Variants in TLN1 observed in about 807,000 individuals in gnomAD.
TLN1 encodes the protein talin-1.
In TLN1, 56 loss-of-function variants were observed where a neutral mutation model predicts 292.3. The observed-to-expected ratio is 0.19, with a 90% CI of 0.15 to 0.24. TLN1 has a LOEUF of 0.24. Ranked by LOEUF, TLN1 falls within the 10% of genes least tolerant of loss-of-function variation. The pLI is 1.00. For synonymous variants in TLN1, 1,119 were observed against 1,253.7 expected, an observed-to-expected ratio of 0.89 and a Z score of 2.27; for missense variants, 2,433 against 3,248.2, an observed-to-expected ratio of 0.75 and a Z score of 6.10.
rs1426924218 is a variant in TLN1 at position 35,707,777 on chromosome 9, G to A, written c.4586C>T (p.Ala1529Val). 6.2e-7 allele frequency: 1 copy of A among 1,614,074 alleles called. No homozygotes were observed. Among genetic ancestry groups the A allele is most frequent in the Non-Finnish European group, 8.5e-7 (1 of 1,180,046 alleles). Residue 1529 changes from alanine (A) to valine (V), a missense_variant, in exon 35 of 57, where the codon GCC (alanine) becomes GTC (valine). Ala to Val is a moderately conservative substitution (Grantham distance 64). Coordinates refer to ENST00000314888, the MANE Select transcript of TLN1 (RefSeq NM_006289.4). The surrounding 1 kb of genome is among the most constrained non-coding windows in gnomAD (Gnocchi z 5.6). ...AGCTGTGCTGTTGGCCACCTCCTTG[G>A]CTGACTGTACAAACTGGCGCTTGGC... ...PTAKRQFVQSAKEVANSTANL... is the reference protein window; with the variant it reads ...PTAKRQFVQSVKEVANSTANL...
chr9:35,717,788 T>G lies in TLN1; in HGVS notation c.1996-2A>C. 1 of 1,593,112 alleles carries G rather than the reference T, an allele frequency of 6.3e-7. No individual in the cohort carries two copies. The highest frequency in any genetic ancestry group is 8.6e-7 in the Non-Finnish European group (1 of 1,164,056). ...TTTGGCGAGCTGCATTAGCGCATCC[T>G]GTGAGAAAACAGCAGTTAGCATGAC... is the stretch of plus-strand genomic sequence containing the variant. On this transcript the variant is annotated splice_acceptor_variant, in intron 17 of 56. Coordinates refer to ENST00000314888, the MANE Select transcript of TLN1 (RefSeq NM_006289.4). LOFTEE classifies it high-confidence loss of function. The surrounding 1 kb of genome is among the most constrained non-coding windows in gnomAD (Gnocchi z 4.7).
intron 8 of TLN1, among the ~76,000 whole-genome samples, 156 bp from the exon 9 acceptor site, chr9:35,722,379 G>A (rs1825891736): frequency 6.6e-6 from 1 of 152,200 alleles, no homozygotes. Context: ...GATGGAGGCT[G>A]ATAAGGGCTA....
chr9:35,703,592 C>A lies in TLN1; in HGVS notation c.6442G>T (p.Ala2148Ser). 4 of 1,614,192 alleles carry A rather than the reference C, an allele frequency of 2.5e-6. No homozygotes were observed. The highest frequency in any genetic ancestry group is 3.4e-6 in the Non-Finnish European group (4 of 1,180,036). Residue 2148 changes from alanine (A) to serine (S), a missense_variant, in exon 48 of 57, where the codon GCA (alanine) becomes TCA (serine). Physicochemically the swap from Ala to Ser is moderately conservative, Grantham distance 99. Around this residue, in one of 7 missense-constraint regions of TLN1, gnomAD observed 1,384 missense variants for 1,699.6 expected, o/e 0.81. Coordinates refer to ENST00000314888, the MANE Select transcript of TLN1 (RefSeq NM_006289.4). Reference sequence around the variant, plus strand: ...TCCTGCCGTATGTGTTCTGTGGTTGCCTCCAGGGCCCGAGTGCCTTTGGTG... The same window carrying A: ...TCCTGCCGTATGTGTTCTGTGGTTGACTCCAGGGCCCGAGTGCCTTTGGTG... ...EATKGTRALEATTEHIRQELA... is the reference protein window; with the variant it reads ...EATKGTRALESTTEHIRQELA...
Position 35,697,743 on chromosome 9 carries a change from G to T in TLN1, c.*48C>A, listed in dbSNP as rs1395434745. The T allele has an allele frequency of 1.2e-6, 2 of 1,605,070 alleles. No homozygotes were observed. Among genetic ancestry groups the T allele is most frequent in the Admixed American group, 1.7e-5 (1 of 59,494 alleles). ...GACAGCCCAGAAGGCTTTGGTAGTG[G>T]CACGCACAGTCTCTGGGCCGGGTCT... On this transcript the variant is annotated 3_prime_UTR_variant, in exon 57 of 57. Transcript: ENST00000314888.
chr9:35,705,147 T>A (rs1055723425), intron 43 of TLN1, among the ~76,000 whole-genome samples: 2 of 152,138 alleles, frequency 1.3e-5, no homozygotes, highest in Non-Finnish European at 2.9e-5. Flanking sequence ...ATGGAGGGTT[T>A]TAAGGATGGG....
chr9:35,719,358 C>T lies in TLN1; in HGVS notation c.1688-76G>A. The T allele has an allele frequency of 6.8e-7, 1 of 1,463,944 alleles. No individual in the cohort carries two copies. The highest frequency in any genetic ancestry group is 1.2e-5 in the South Asian group (1 of 84,420). 90.7% of individuals were successfully genotyped at this position (1,463,944 alleles called of 1,614,324 possible). A position where few individuals can be genotyped will look rare whatever the true frequency, so the allele number is the denominator to read the frequency against. ...AAGGGCTGGGGAGGGAGCAAAGTCACACCCAGTTAGTCACACACATGTCCA... is the reference window on the plus strand; with the variant it reads ...AAGGGCTGGGGAGGGAGCAAAGTCATACCCAGTTAGTCACACACATGTCCA... On this transcript the variant is annotated intron_variant, in intron 15 of 56. Transcript: ENST00000314888. This position sits in a 1 kb window ranked among gnomAD's most constrained non-coding sequence, Gnocchi z 4.6.
chr9:35,710,048 A>G (rs1245637935), intron 33 of TLN1, among the ~76,000 whole-genome samples: 1 of 127,838 alleles, frequency 7.8e-6, no homozygotes. Context: ...TGTCTTTACT[A>G]AAAAAAAAAA....
At position 35,721,658 on chromosome 9, in the gene TLN1, C is replaced by G. The variant is rs1452909593; in HGVS notation, c.1094G>C (p.Ser365Thr). 6.2e-7 allele frequency: 1 copy of G among 1,613,326 alleles called. No individual in the cohort carries two copies. The change falls in exon 10 of 57, where the codon AGC (serine) becomes ACC (threonine). Residue 365 changes from serine to threonine, a missense_variant. Ser to Thr is a moderately conservative substitution (Grantham distance 58, BLOSUM62 1). Transcript: ENST00000314888. ...NIKRWAASPKSFTLDFGDYQD... is the reference protein window; with the variant it reads ...NIKRWAASPKTFTLDFGDYQD... ...AGTCCCCAGACTTACCAGGGTGAAGCTTTTGGGAGACGCAGCCCAGCGTTT... is the reference window on the plus strand; with the variant it reads ...AGTCCCCAGACTTACCAGGGTGAAGGTTTTGGGAGACGCAGCCCAGCGTTT...
chr9:35,722,174 T>G lies in TLN1; in HGVS notation c.893A>C (p.Tyr298Ser). The G allele has an allele frequency of 6.2e-7, 1 of 1,614,238 alleles. No homozygotes were observed. Among genetic ancestry groups the G allele is most frequent in the Non-Finnish European group, 8.5e-7 (1 of 1,180,046 alleles). ...QMSEIEAKVR[Y>S]VKLARSLKTY... ...CTTGAGAGAACGGGCTAGCTTCACG[T>G]AGCGGACCTTGGCCTCAATCTCACT... Residue 298 changes from tyrosine to serine, a missense_variant, in exon 9 of 57, where the codon TAC (tyrosine) becomes TCC (serine). Tyr to Ser is a moderately radical substitution (Grantham distance 144, BLOSUM62 -2). This residue lies in a region of TLN1 where 78 missense variants were observed against 88.8 expected (regional missense o/e 0.88). Transcript: ENST00000314888.
chr9:35,702,478 G>T (rs1036107916), intron 48 of TLN1, among the ~76,000 whole-genome samples: 1 of 151,966 alleles, frequency 6.6e-6, no homozygotes, highest in African/African-American at 2.4e-5. Flanking sequence ...AGGGAAGAAA[G>T]AATTTCATTT....
Position 35,717,827 on chromosome 9 carries a change from T to C in TLN1, c.1996-41A>G, listed in dbSNP as rs527772595. ...AGTTAGCATGACCTGAGATTGGGCT[T>C]GGGATTCACAGACACTTCTCAGAGG... On this transcript the variant is annotated intron_variant, in intron 17 of 56. Transcript: ENST00000314888. The surrounding 1 kb of genome is among the most constrained non-coding windows in gnomAD (Gnocchi z 4.7). 28 of 1,574,620 alleles carry C rather than the reference T, an allele frequency of 1.8e-5. 1 individual carries two copies. In the South Asian group the frequency reaches 3.1e-4, roughly 17 times the overall value.
chr9:35,727,860 C>T (rs1366704578), intron 1 of TLN1, among the ~76,000 whole-genome samples: 1 of 152,150 alleles, frequency 6.6e-6, no homozygotes, highest in East Asian at 1.9e-4. Flanking sequence ...TCATGCCTAC[C>T]CTTACTCCCC....
intron 27 of TLN1, 43 bp from the exon 28 acceptor site, chr9:35,712,167 T>G (rs1356376907): frequency 6.3e-7 from 1 of 1,590,460 alleles, no homozygotes; most frequent in Admixed American, 1.8e-5. Context: ...TGAAAAGAAT[T>G]TGAGAGATCG....
rs1825941516 is a variant in TLN1 at position 35,724,888 on chromosome 9, G to A, written c.300C>T (p.Ile100=). 3 of 1,614,160 alleles carry A rather than the reference G, an allele frequency of 1.9e-6. No homozygotes were observed. The highest frequency in any genetic ancestry group is 2.5e-6 in the Non-Finnish European group (3 of 1,180,046). ...IRMLDGTVKT[I]MVDDSKTVTD... ...TGACAGTCTTAGAGTCATCCACCAT[G>A]ATCGTCTTCACAGTTCCATCCAGCA... The change falls in exon 4 of 57, where the codon ATC becomes ATT. Residue 100 remains isoleucine (I), a synonymous_variant. Coordinates refer to ENST00000314888, the MANE Select transcript of TLN1 (RefSeq NM_006289.4). This position sits in a 1 kb window ranked among gnomAD's most constrained non-coding sequence, Gnocchi z 4.7.
chr9:35,711,185 C>T, intron 30 of TLN1, 70 bp downstream of exon 30: 1 of 1,610,378 alleles, frequency 6.2e-7, no homozygotes, highest in Non-Finnish European at 8.5e-7. Flanking sequence ...AGCCAAGAAG[C>T]TCTCATGAAC....
At position 35,706,399 on chromosome 9, in the gene TLN1, C is replaced by A; in HGVS notation, c.5191-33G>T. On this transcript the variant is annotated intron_variant, in intron 39 of 56. Transcript: ENST00000314888. This position sits in a 1 kb window ranked among gnomAD's most constrained non-coding sequence, Gnocchi z 4.2. Reference sequence around the variant, plus strand: ...AAGGGGTTGGACTAGGGGTCAGGTCCCCTCTCTCTCACCCTACTCCCTGGG... The same window carrying A: ...AAGGGGTTGGACTAGGGGTCAGGTCACCTCTCTCTCACCCTACTCCCTGGG... The A allele has an allele frequency of 1.9e-6, 3 of 1,612,754 alleles. No individual in the cohort carries two copies. Among genetic ancestry groups the A allele is most frequent in the Non-Finnish European group, 2.5e-6 (3 of 1,179,218 alleles).
chr9:35,708,049 G>A, intron 34 of TLN1, 157 bp from the exon 35 acceptor site: 1 of 857,194 alleles, frequency 1.2e-6, no homozygotes, highest in Non-Finnish European at 1.8e-6. Flanking sequence ...AGGAGACAGA[G>A]ATACCCAAAG....
intron 21 of TLN1, 25 bp downstream of exon 21, chr9:35,715,034 C>G (rs1408801357): frequency 6.2e-7 from 1 of 1,612,512 alleles, no homozygotes; most frequent in South Asian, 1.1e-5. Flanking sequence ...CTCTCTCTTG[C>G]TCCTGGTGAA....
chr9:35,701,594 A>G (rs1461824153), intron 48 of TLN1, among the ~76,000 whole-genome samples: 1 of 152,244 alleles, frequency 6.6e-6, no homozygotes, highest in Non-Finnish European at 1.5e-5. Context: ...TTTTAAAAAC[A>G]TAATTTTAGC....
Sources: gnomAD v4.1 joint callset for allele counts (sites outside exome capture counted in the v4.1 genomes callset) on GRCh38, gnomAD v4.1.1 for gene constraint, gnomAD v4.1.1 regional missense constraint, Gnocchi (gnomAD v3.1) non-coding constraint, MANE v1.5 for transcripts, NCBI Gene and HGNC (gene_info 2026-07-23, HGNC 2026-07-21) for gene names.